Variants in WWOX observed in about 807,000 individuals in gnomAD.
WWOX encodes WW domain-containing oxidoreductase.
WWOX carries 69 observed loss-of-function variants against 46.2 expected under a neutral mutation model. That is an observed-to-expected ratio of 1.49 (90% CI 1.23 to 1.82). The LOEUF (loss-of-function observed/expected upper bound fraction) is 1.82, where lower values mean the gene tolerates loss of function less well. WWOX is among the 40% of genes most tolerant of loss of function. WWOX has a pLI of 0.00. For synonymous variants in WWOX, 359 were observed against 202.6 expected, an observed-to-expected ratio of 1.77 and a Z score of -6.56; for missense variants, 919 against 542.6, an observed-to-expected ratio of 1.69 and a Z score of -6.89.
chr16:78,941,704 C>A (rs1032890703), intron 8 of WWOX, among the ~76,000 whole-genome samples: 6 of 152,134 alleles, frequency 3.9e-5, no homozygotes, highest in African/African-American at 1.4e-4. Flanking sequence ...AGAAGAAATT[C>A]TCAGGTTTCC....
intron 8 of WWOX, among the ~76,000 whole-genome samples, chr16:79,072,254 C>T (rs56183624): frequency 6.6e-6 from 1 of 152,174 alleles, no homozygotes. Flanking sequence ...CCACTGCAAT[C>T]TAGCCTGAGT....
At chr16:78,644,225 A>G (rs2046789088) in intron 8 of WWOX, among the ~76,000 whole-genome samples, 1 of 151,134 alleles carries the variant, frequency 6.6e-6, no homozygotes, top group South Asian at 2.1e-4. Flanking sequence ...TGTCTCAAAA[A>G]TGAATGAATG....
intron 8 of WWOX, among the ~76,000 whole-genome samples, chr16:78,701,412 C>A (rs930017091): frequency 1.3e-5 from 2 of 152,204 alleles, no homozygotes; most frequent in South Asian, 2.1e-4. Context: ...AAGTCACCCC[C>A]TCCATCTGAC....
chr16:78,701,739 T>G (rs1050682446), intron 8 of WWOX, among the ~76,000 whole-genome samples: 1 of 151,934 alleles, frequency 6.6e-6, no homozygotes, highest in South Asian at 2.1e-4. Flanking sequence ...CAGTAGGGGT[T>G]CTTTGGGACC....
At chr16:79,074,110 C>A (rs1190007259) in intron 8 of WWOX, among the ~76,000 whole-genome samples, 2 of 151,986 alleles carry the variant, frequency 1.3e-5, no homozygotes, top group African/African-American at 4.8e-5. Context: ...TTTTCTTTTA[C>A]CGGCTGACTA....
At chr16:78,526,306 A>T (rs72802000) in intron 8 of WWOX, 11,189 of 152,330 alleles carry the variant, frequency 0.073, 528 homozygotes, top group East Asian at 0.12. Flanking sequence ...CTGGTCCTGG[A>T]TCCTTGCGAC....
chr16:78,616,642 G>A (rs559601931), intron 8 of WWOX, among the ~76,000 whole-genome samples: 6 of 152,076 alleles, frequency 3.9e-5, no homozygotes, highest in African/African-American at 7.2e-5. Context: ...GGTGGCTTGT[G>A]CTTGTAATCC....
At chr16:78,458,314 A>C (rs1296150192) in intron 8 of WWOX, among the ~76,000 whole-genome samples, 2 of 147,162 alleles carry the variant, frequency 1.4e-5, no homozygotes, top group Non-Finnish European at 3.0e-5. Flanking sequence ...AGGCTAGAGT[A>C]CAGTGGCGTG....
chr16:78,950,228 C>G (rs1390747200), intron 8 of WWOX, among the ~76,000 whole-genome samples: 3 of 152,160 alleles, frequency 2.0e-5, no homozygotes, highest in East Asian at 1.9e-4. Flanking sequence ...CCTAATCTTT[C>G]AGTTGAATTA....
intron 8 of WWOX, among the ~76,000 whole-genome samples, chr16:78,640,932 C>G (rs2046691999): frequency 1.2e-5 from 1 of 81,490 alleles, no homozygotes; most frequent in Non-Finnish European, 2.5e-5. Flanking sequence ...GCGCGAGATT[C>G]TGTCTTCAAA....
In WWOX at chr16:78,360,063, A is replaced by G. The variant is rs555389429; in HGVS notation, c.517-26797A>G. Among the ~76,000 whole-genome samples, 5 of 152,336 alleles carry G rather than the reference A, an allele frequency of 3.3e-5. No individual in the cohort carries two copies. In the South Asian group the frequency reaches 6.2e-4, roughly 19 times the overall value. On this transcript the variant is annotated intron_variant, in intron 5 of 8. Transcript: ENST00000566780. ...AAACAAAACAAAAAGGAGGATACCAATTTAAGCTTGTCAAAAAGATTTTCC... is the reference window on the plus strand; with the variant it reads ...AAACAAAACAAAAAGGAGGATACCAGTTTAAGCTTGTCAAAAAGATTTTCC...
chr16:78,129,603 C>T (rs2033508821), intron 4 of WWOX, among the ~76,000 whole-genome samples: 2 of 152,072 alleles, frequency 1.3e-5, no homozygotes, highest in Non-Finnish European at 1.5e-5. Context: ...CCCAATCAGC[C>T]TTTAGGACAG....
intron 6 of WWOX, among the ~76,000 whole-genome samples, chr16:78,406,305 T>A (rs1315158195): frequency 3.7e-4 from 3 of 8,148 alleles, no homozygotes; most frequent in Admixed American, 1.7e-3. Flanking sequence ...TAAATATAAA[T>A]ATATATATAT....
At chr16:79,207,957 G>A (rs969880198) in intron 8 of WWOX, among the ~76,000 whole-genome samples, 3 of 152,116 alleles carry the variant, frequency 2.0e-5, no homozygotes, top group Non-Finnish European at 4.4e-5. Context: ...CCAACACCGA[G>A]TTTTGGAAGG....
At chr16:78,184,927 C>G (rs1024469218) in intron 5 of WWOX, among the ~76,000 whole-genome samples, 13 of 152,304 alleles carry the variant, frequency 8.5e-5, no homozygotes, top group African/African-American at 3.1e-4. Flanking sequence ...ATTTCTTGCT[C>G]AAACTGTATT....
intron 8 of WWOX, among the ~76,000 whole-genome samples, chr16:79,052,757 C>G (rs958924191): frequency 1.3e-5 from 2 of 152,152 alleles, no homozygotes; most frequent in Admixed American, 6.6e-5. Context: ...ACCCTTTCTG[C>G]AGAAAGTAAA....
chr16:78,589,686 T>G (rs1472476107), intron 8 of WWOX, among the ~76,000 whole-genome samples: 1 of 152,200 alleles, frequency 6.6e-6, no homozygotes, highest in Non-Finnish European at 1.5e-5. Flanking sequence ...GGATTGCATC[T>G]AAAAATAAAG....
chr16:79,200,944 T>C lies in WWOX; in HGVS notation c.1057-10664T>C, dbSNP rs150181424. On this transcript the variant is annotated intron_variant, in intron 8 of 8. Transcript: ENST00000566780. Reference sequence around the variant, plus strand: ...TTTAAACTTGTGATAATCAGAGTTATAGCTGCTTTAAACTTGTAAAAATCA... The same window carrying C: ...TTTAAACTTGTGATAATCAGAGTTACAGCTGCTTTAAACTTGTAAAAATCA... Among the ~76,000 whole-genome samples, 619 of 152,344 alleles carry C rather than the reference T, an allele frequency of 4.1e-3. 3 individuals carry two copies. The highest frequency in any genetic ancestry group is 6.6e-3 in the Non-Finnish European group (452 of 68,024).
chr16:78,735,394 A>AACACACACACACACACACACACAC lies in WWOX; in HGVS notation c.1056+302651_1056+302674dup, dbSNP rs35975130. Among the ~76,000 whole-genome samples the AACACACACACACACACACACACAC allele has an allele frequency of 5.0e-4, 61 of 121,390 alleles. 1 individual carries two copies. The highest frequency in any genetic ancestry group is 1.7e-3 in the African/African-American group (54 of 32,322). The allele number at this position is 121,390 out of a possible 152,430, so 79.6% of individuals were successfully genotyped here. ...AGAGATGTCATACACACCACACACA[A>AACACACACACACACACACACACAC]ACACACACACACACACACACACACA... On this transcript the variant is annotated intron_variant, in intron 8 of 8. Coordinates refer to ENST00000566780, the MANE Select transcript of WWOX (RefSeq NM_016373.4).
Sources: allele counts gnomAD v4.1 joint callset (sites outside exome capture counted in the v4.1 genomes callset), GRCh38; gene constraint gnomAD v4.1.1; transcripts MANE v1.5; gene names NCBI Gene and HGNC (gene_info 2026-07-23, HGNC 2026-07-21).